The following GTF2B variants were observed in gnomAD, a reference collection of about 807,000 sequenced individuals.
The protein encoded by GTF2B is general transcription factor IIB, also known as transcription initiation factor IIB.
Under a neutral mutation model 34.6 loss-of-function variants are expected in GTF2B, and 20 were observed. That is an observed-to-expected ratio of 0.58 (90% confidence interval 0.41 to 0.84). The LOEUF (loss-of-function observed/expected upper bound fraction) is 0.84, where lower values mean the gene tolerates loss of function less well. GTF2B is among the 40% of genes least tolerant of loss of function. The pLI is 0.00. For missense variants in GTF2B, 237 were observed against 393.3 expected, an observed-to-expected ratio of 0.60 and a Z score of 3.36; for synonymous variants, 142 against 132.4, an observed-to-expected ratio of 1.07 and a Z score of -0.50.
chr1:88,872,455 TAAAAAA>T (rs34668666), intron 2 of GTF2B, among the ~76,000 whole-genome samples: 1,307 of 74,938 alleles, frequency 0.017, 10 homozygotes, highest in African/African-American at 0.049. Context: ...TCCATCTCAA[TAAAAAA>T]AAAAAAAAAA....
chr1:88,887,387 T>G lies in GTF2B; in HGVS notation c.18-20A>C, dbSNP rs1194340031. On this transcript the variant is annotated intron_variant, in intron 1 of 6. Coordinates refer to ENST00000370500, the MANE Select transcript of GTF2B (RefSeq NM_001514.6). Reference sequence around the variant, plus strand: ...TCCAAACTAAAAGAAAAAAGTTGTATTTTTACATCTTCCCAACCAACATGT... The same window carrying G: ...TCCAAACTAAAAGAAAAAAGTTGTAGTTTTACATCTTCCCAACCAACATGT... 1 of 1,379,484 alleles carries G rather than the reference T, an allele frequency of 7.2e-7. No homozygotes were observed. The highest frequency in any genetic ancestry group is 1.2e-5 in the South Asian group (1 of 86,466). The allele number at this position is 1,379,484 out of a possible 1,614,324, so 85.5% of individuals were successfully genotyped here. A position where few individuals can be genotyped will look rare whatever the true frequency, so the allele number is the denominator to read the frequency against.
chr1:88,864,467 A>G (rs1355607465), intron 2 of GTF2B, among the ~76,000 whole-genome samples: 2 of 152,254 alleles, frequency 1.3e-5, no homozygotes, highest in Non-Finnish European at 2.9e-5. Context: ...ATGGGAAAAA[A>G]AGAGAAAACA....
intron 2 of GTF2B, among the ~76,000 whole-genome samples, chr1:88,876,441 G>A (rs545571760): frequency 1.7e-3 from 258 of 152,328 alleles, no homozygotes; most frequent in Middle Eastern, 6.8e-3. Flanking sequence ...GGAGTCTGGA[G>A]CAGGAGGATT....
At chr1:88,853,665 G>A (rs748270397) in intron 6 of GTF2B, among the ~76,000 whole-genome samples, 17 of 152,034 alleles carry the variant, frequency 1.1e-4, no homozygotes, top group Non-Finnish European at 2.1e-4. Flanking sequence ...TTAGCCAGGC[G>A]TGGTGGCATG....
intron 1 of GTF2B, among the ~76,000 whole-genome samples, chr1:88,889,577 G>A (rs1674152720): frequency 6.6e-6 from 1 of 152,236 alleles, no homozygotes; most frequent in South Asian, 2.1e-4. Flanking sequence ...TATGCTCAGA[G>A]AATGATTTGC....
chr1:88,863,429 C>T (rs929708234), intron 3 of GTF2B, among the ~76,000 whole-genome samples: 7 of 152,060 alleles, frequency 4.6e-5, no homozygotes, highest in Admixed American at 3.3e-4. Flanking sequence ...CTGCAACCTC[C>T]GCCTCCTGGG....
At chr1:88,863,913 A>G (rs1673494768) in intron 3 of GTF2B, 68 bp downstream of exon 3, 6 of 1,469,166 alleles carry the variant, frequency 4.1e-6, no homozygotes, top group Admixed American at 3.4e-5. Flanking sequence ...ATACTTTTGC[A>G]AAGTTCCCAA....
chr1:88,869,788 G>C (rs956633161), intron 2 of GTF2B, among the ~76,000 whole-genome samples: 2 of 152,106 alleles, frequency 1.3e-5, no homozygotes, highest in African/African-American at 4.8e-5. Flanking sequence ...CACCACGTCT[G>C]ACTAATTTTT....
Position 88,852,978 on chromosome 1 carries a change from A to G in GTF2B, c.*235T>C. The G allele has an allele frequency of 1.1e-5, 5 of 437,618 alleles. No individual in the cohort carries two copies. The highest frequency in any genetic ancestry group is 2.0e-5 in the Non-Finnish European group (5 of 246,486). The allele number at this position is 437,618 out of a possible 1,614,324, so 27.1% of individuals were successfully genotyped here. A position where few individuals can be genotyped will look rare whatever the true frequency, so the allele number is the denominator to read the frequency against. On this transcript the variant is annotated 3_prime_UTR_variant, in exon 7 of 7. Transcript: ENST00000370500. Reference sequence around the variant, plus strand: ...ATTCAAGAATTACATAATTTCAAATATCTTCCAAAATACAGTTTCCTAGAT... The same window carrying G: ...ATTCAAGAATTACATAATTTCAAATGTCTTCCAAAATACAGTTTCCTAGAT...
intron 2 of GTF2B, among the ~76,000 whole-genome samples, chr1:88,877,697 C>T (rs1557659411): frequency 1.3e-5 from 2 of 152,146 alleles, no homozygotes; most frequent in South Asian, 4.1e-4. Flanking sequence ...TCTGGGAAGC[C>T]GAGGCACGTG....
chr1:88,859,829 C>T (rs1673395771), intron 5 of GTF2B, 53 bp downstream of exon 5: 13 of 1,534,976 alleles, frequency 8.5e-6, no homozygotes, highest in South Asian at 6.8e-5. Flanking sequence ...AAGTGAGACC[C>T]TATCTCAAAC....
chr1:88,867,847 G>A (rs904940658), intron 2 of GTF2B, among the ~76,000 whole-genome samples: 4 of 152,042 alleles, frequency 2.6e-5, no homozygotes, highest in African/African-American at 7.2e-5. Flanking sequence ...AATAGAAAGC[G>A]CAACACTGGG....
chr1:88,882,551 G>A (rs1570735652), intron 2 of GTF2B, among the ~76,000 whole-genome samples: 2 of 146,308 alleles, frequency 1.4e-5, no homozygotes, highest in Middle Eastern at 3.4e-3. Flanking sequence ...AGGATATTAA[G>A]TAGGTACTTA....
intron 2 of GTF2B, among the ~76,000 whole-genome samples, chr1:88,865,314 G>C (rs556722398): frequency 3.1e-4 from 47 of 152,318 alleles, no homozygotes; most frequent in African/African-American, 1.1e-3. Flanking sequence ...TGCTTAAAAA[G>C]TAGTACTAAG....
intron 3 of GTF2B, among the ~76,000 whole-genome samples, chr1:88,863,156 A>G (rs866846984): frequency 2.6e-5 from 4 of 152,110 alleles, no homozygotes; most frequent in Non-Finnish European, 5.9e-5. Flanking sequence ...CACACAGTAT[A>G]CAATACATGT....
At chr1:88,866,051 A>G (rs1215567996) in intron 2 of GTF2B, among the ~76,000 whole-genome samples, 3 of 152,074 alleles carry the variant, frequency 2.0e-5, no homozygotes, top group Admixed American at 6.5e-5. Context: ...TATAGTGATC[A>G]TATAATCTTA....
Position 88,864,012 on chromosome 1 carries a change from C to G in GTF2B, c.227G>C (p.Ser76Thr). 5 of 1,613,922 alleles carry G rather than the reference C, an allele frequency of 3.1e-6. No individual in the cohort carries two copies. Among genetic ancestry groups the G allele is most frequent in the Non-Finnish European group, 4.2e-6 (5 of 1,179,786 alleles). Reference sequence around the variant, plus strand: ...AATCATGGTAGACAAATCTCCATCACTCAGAAGAGGATTCTGAGAATCTCC... The same window carrying G: ...AATCATGGTAGACAAATCTCCATCAGTCAGAAGAGGATTCTGAGAATCTCC... ...RVGDSQNPLLSDGDLSTMIGK... is the reference protein window; with the variant it reads ...RVGDSQNPLLTDGDLSTMIGK... Residue 76 changes from serine to threonine, a missense_variant, in exon 3 of 7, where the codon AGT becomes ACT. Ser to Thr is a moderately conservative substitution (Grantham distance 58). Around this residue, in one of 3 missense-constraint regions of GTF2B, gnomAD observed 130 missense variants for 170.9 expected, o/e 0.76. Coordinates refer to ENST00000370500, the MANE Select transcript of GTF2B (RefSeq NM_001514.6).
chr1:88,876,776 G>A (rs1673827891), intron 2 of GTF2B, among the ~76,000 whole-genome samples: 1 of 152,196 alleles, frequency 6.6e-6, no homozygotes, highest in South Asian at 2.1e-4. Flanking sequence ...GCAATTCTGA[G>A]ATGTATCTGT....
At chr1:88,862,477 G>A (rs769429650) in intron 3 of GTF2B, among the ~76,000 whole-genome samples, 14 of 152,174 alleles carry the variant, frequency 9.2e-5, no homozygotes, top group Non-Finnish European at 2.1e-4. Context: ...GGGAGGTGGA[G>A]GTTGCAGTGA....
Sources: allele counts gnomAD v4.1 joint callset (sites outside exome capture counted in the v4.1 genomes callset), GRCh38; gene constraint gnomAD v4.1.1; regional missense constraint gnomAD v4.1.1; transcripts MANE v1.5; gene names NCBI Gene and HGNC (gene_info 2026-07-23, HGNC 2026-07-21).